The following PCLO variants were observed in gnomAD, a reference collection of about 807,000 sequenced individuals.
PCLO encodes the protein protein piccolo.
PCLO carries 82 observed loss-of-function variants against 427.5 expected under a neutral mutation model. The observed-to-expected ratio is 0.19, with a 90% CI of 0.16 to 0.23. PCLO has a LOEUF of 0.23. Ranked by LOEUF, PCLO falls within the 10% of genes least tolerant of loss-of-function variation. The probability of loss-of-function intolerance (pLI) is 1.00; values close to 1 mark genes in which losing one functional copy is unlikely to be tolerated. For synonymous variants in PCLO, 2,357 were observed against 2,155.4 expected (o/e 1.09, Z -2.59); for missense variants, 6,239 against 6,115.9 (o/e 1.02, Z -0.67).
intron 3 of PCLO, among the ~76,000 whole-genome samples, chr7:83,038,077 A>ATATT (rs1788871066): frequency 2.1e-4 from 17 of 79,502 alleles, no homozygotes; most frequent in Non-Finnish European, 3.6e-4. Context: ...ATATATTTAT[A>ATATT]TATATATCTT....
chr7:83,056,611 T>C (rs1311170415), intron 3 of PCLO, among the ~76,000 whole-genome samples: 1 of 152,126 alleles, frequency 6.6e-6, no homozygotes, highest in Non-Finnish European at 1.5e-5. Context: ...TATTCTGAGG[T>C]TATTTCGAAT....
chr7:82,982,401 GC>G (rs1362133168), intron 3 of PCLO, among the ~76,000 whole-genome samples: 1 of 152,054 alleles, frequency 6.6e-6, no homozygotes, highest in African/African-American at 2.4e-5. Context: ...TCAAAGCAGA[GC>G]ATGCTAAACT....
rs1791878256 is a variant in PCLO at position 82,824,341 on chromosome 7, T to C, written c.14491A>G (p.Ser4831Gly). 1.2e-6 allele frequency: 2 copies of C among 1,613,300 alleles called. No homozygotes were observed. The highest frequency in any genetic ancestry group is 4.5e-5 in the East Asian group (2 of 44,842). Residue 4831 changes from serine (S) to glycine (G), a missense_variant, in exon 19 of 25, where the codon AGC (serine) becomes GGC (glycine). This residue lies in a region of PCLO where 877 missense variants were observed against 925.5 expected (regional missense o/e 0.95). Coordinates refer to ENST00000333891, the MANE Select transcript of PCLO (RefSeq NM_033026.6). Reference protein sequence around the residue: ...RWYPLKEQTESIDHGKSHSSQ... With the variant: ...RWYPLKEQTEGIDHGKSHSSQ... The stretch of plus-strand genomic sequence containing the variant: ...GAATGAGACTTGCCATGATCAATGC[T>C]TTCAGTCTGTTCTTTGAGAGGATAC...
At chr7:82,905,439 C>CAA (rs1356552494) in intron 8 of PCLO, among the ~76,000 whole-genome samples, 1 of 151,920 alleles carries the variant, frequency 6.6e-6, no homozygotes, top group Non-Finnish European at 1.5e-5. Flanking sequence ...ATGCAGGAGA[C>CAA]AGAGTGCCTT....
At chr7:83,076,123 TA>T (rs3039471) in intron 3 of PCLO, among the ~76,000 whole-genome samples, 159 of 148,260 alleles carry the variant, frequency 1.1e-3, no homozygotes, top group Admixed American at 1.5e-3. Flanking sequence ...TTCTTGGATT[TA>T]AAAAAAAAAA....
chr7:82,890,547 T>C (rs901096348), intron 9 of PCLO, among the ~76,000 whole-genome samples: 7 of 152,014 alleles, frequency 4.6e-5, no homozygotes, highest in Non-Finnish European at 7.4e-5. Context: ...CTTCTGTTAG[T>C]CCACATTATT....
chr7:82,777,134 T>C (rs1402138799), intron 22 of PCLO, among the ~76,000 whole-genome samples: 1 of 152,060 alleles, frequency 6.6e-6, no homozygotes, highest in Non-Finnish European at 1.5e-5. Context: ...TCTTGATTTC[T>C]GCCTTAATCC....
At chr7:83,157,083 G>A (rs1022126106) in intron 1 of PCLO, among the ~76,000 whole-genome samples, 1 of 152,128 alleles carries the variant, frequency 6.6e-6, no homozygotes, top group Admixed American at 6.5e-5. Context: ...CTAGCCAGGA[G>A]AGACTGGGAC....
At chr7:82,784,503 A>G (rs550969572) in intron 22 of PCLO, among the ~76,000 whole-genome samples, 1 of 152,260 alleles carries the variant, frequency 6.6e-6, no homozygotes, top group South Asian at 2.1e-4. Context: ...GTATTCATCA[A>G]TTCACAGCAC....
At chr7:82,902,100 C>G (rs1235990166) in intron 9 of PCLO, among the ~76,000 whole-genome samples, 3 of 151,858 alleles carry the variant, frequency 2.0e-5, no homozygotes, top group Admixed American at 1.3e-4. Context: ...GACTATAAAT[C>G]ATGCTGCTAT....
intron 10 of PCLO, 42 bp from the exon 11 acceptor site, chr7:82,847,289 C>T: frequency 8.9e-7 from 1 of 1,128,442 alleles, no homozygotes; most frequent in Non-Finnish European, 1.3e-6. Flanking sequence ...CGTGTGCTAT[C>T]TCTAGTCTGG....
intron 3 of PCLO, among the ~76,000 whole-genome samples, chr7:83,040,275 C>T (rs1013309176): frequency 1.3e-5 from 2 of 152,100 alleles, no homozygotes; most frequent in African/African-American, 4.8e-5. Flanking sequence ...TATTCTCCCA[C>T]TCTGTCCACA....
chr7:83,001,383 A>G (rs919718261), intron 3 of PCLO, among the ~76,000 whole-genome samples: 1 of 151,996 alleles, frequency 6.6e-6, no homozygotes, highest in African/African-American at 2.4e-5. Flanking sequence ...TTGCATAAAC[A>G]GAAAAATCTT....
At chr7:83,113,410 T>C (rs1012682213) in intron 3 of PCLO, among the ~76,000 whole-genome samples, 8 of 152,204 alleles carry the variant, frequency 5.3e-5, no homozygotes, top group South Asian at 2.1e-4. Context: ...TTCTACCTTA[T>C]AGACCTGATT....
At position 83,135,382 on chromosome 7, in the gene PCLO, G is replaced by A; in HGVS notation, c.2168C>T (p.Pro723Leu). ...HGSPSAKAKQPPEADSLSKPA... is the reference protein window; with the variant it reads ...HGSPSAKAKQLPEADSLSKPA... The stretch of plus-strand genomic sequence containing the variant: ...CTTGGACAAAGAATCTGCCTCAGGG[G>A]GCTGCTTGGCCTTGGCTGAAGGAGA... Residue 723 changes from proline (P) to leucine (L), a missense_variant, in exon 3 of 25, where the codon CCC becomes CTC. Around this residue, in one of 5 missense-constraint regions of PCLO, gnomAD observed 4,677 missense variants for 4,468.4 expected, o/e 1.05. Transcript: ENST00000333891. 6.2e-7 allele frequency: 1 copy of A among 1,613,892 alleles called. No homozygotes were observed.
At chr7:82,958,782 G>A (rs990162550) in intron 4 of PCLO, among the ~76,000 whole-genome samples, 2 of 152,144 alleles carry the variant, frequency 1.3e-5, no homozygotes, top group East Asian at 1.9e-4. Flanking sequence ...GCAAGCAATG[G>A]TGAAGCTGCC....
chr7:83,054,503 C>T (rs1053831220), intron 3 of PCLO, among the ~76,000 whole-genome samples: 21 of 151,946 alleles, frequency 1.4e-4, no homozygotes, highest in Admixed American at 3.9e-4. Flanking sequence ...ATTTTTTAGC[C>T]GTGAGAAGAA....
chr7:82,762,193 T>C (rs1195913290), intron 22 of PCLO, among the ~76,000 whole-genome samples: 1 of 152,044 alleles, frequency 6.6e-6, no homozygotes, highest in African/African-American at 2.4e-5. Flanking sequence ...GGAAAGGTTC[T>C]GAAGTATAGA....
chr7:83,065,869 G>A lies in PCLO; in HGVS notation c.3300+68381C>T, dbSNP rs540113317. On this transcript the variant is annotated intron_variant, in intron 3 of 24. Transcript: ENST00000333891. ...AGTAGCTGTGATGAAATCTGGTCAT[G>A]AGACGTTCTTTAACAATGGGGAACA... Among the ~76,000 whole-genome samples, 25 of 152,208 alleles carry A rather than the reference G, an allele frequency of 1.6e-4. No individual in the cohort carries two copies. In the South Asian group the frequency reaches 5.2e-3, roughly 32 times the overall value.
Sources: allele counts gnomAD v4.1 joint callset (sites outside exome capture counted in the v4.1 genomes callset), GRCh38; gene constraint gnomAD v4.1.1; regional missense constraint gnomAD v4.1.1; transcripts MANE v1.5; gene names NCBI Gene and HGNC (gene_info 2026-07-23, HGNC 2026-07-21).